Variants in DMXL1 observed in about 807,000 individuals in gnomAD.
DMXL1 encodes Dmx like 1.
A neutral mutation model predicts 319.2 loss-of-function variants in DMXL1; 99 were observed. That is an observed-to-expected ratio of 0.31 (90% confidence interval 0.26 to 0.37). DMXL1 has a LOEUF of 0.37. DMXL1 is among the 10% of genes least tolerant of loss of function. The pLI, the probability that DMXL1 is intolerant of heterozygous loss-of-function variation, is 1.00. For missense variants in DMXL1, 3,745 were observed against 3,595.6 expected, an observed-to-expected ratio of 1.04 and a Z score of -1.06; for synonymous variants, 1,385 against 1,235.2, an observed-to-expected ratio of 1.12 and a Z score of -2.54.
rs914338427 is a variant in DMXL1 at position 119,152,553 on chromosome 5, C to T, written c.4702+517C>T. Among the ~76,000 whole-genome samples the T allele has an allele frequency of 2.0e-5, 3 of 152,128 alleles. No homozygotes were observed. In the South Asian group the frequency reaches 6.2e-4, roughly 32 times the overall value. ...TATTTCATGTATTCTATATTTAGTG[C>T]TGTATTTCAGATACTGTTAGTTCTC... On this transcript the variant is annotated intron_variant, in intron 19 of 43. Transcript: ENST00000539542.
chr5:119,193,113 A>G lies in DMXL1; in HGVS notation c.7315-715A>G, dbSNP rs537071187. On this transcript the variant is annotated intron_variant, in intron 29 of 43. Transcript: ENST00000539542. ...ACCCTTGCCGTTTAGCTTTTCTCTC[A>G]TAAGAGAGTGATCGTAGTGATATAC... Among the ~76,000 whole-genome samples the G allele has an allele frequency of 3.3e-5, 5 of 152,228 alleles. No individual in the cohort carries two copies. In the South Asian group the frequency reaches 1.0e-3, roughly 32 times the overall value.
intron 34 of DMXL1, among the ~76,000 whole-genome samples, chr5:119,209,646 C>T (rs1782392010): frequency 6.6e-6 from 1 of 152,150 alleles, no homozygotes; most frequent in Non-Finnish European, 1.5e-5. Flanking sequence ...CCATGCCCAG[C>T]CTTGCATCAC....
chr5:119,078,811 A>G (rs550867909), intron 1 of DMXL1, among the ~76,000 whole-genome samples: 1 of 152,220 alleles, frequency 6.6e-6, no homozygotes, highest in Non-Finnish European at 1.5e-5. Context: ...GAAGATAACT[A>G]TATGGAAATC....
At chr5:119,246,910 G>T in intron 43 of DMXL1, 85 bp from the exon 44 acceptor site, 1 of 1,002,010 alleles carries the variant, frequency 1.0e-6, no homozygotes. Flanking sequence ...TGGGATTACA[G>T]GCATGAGCCA....
chr5:119,139,805 A>T (rs1370565393), intron 13 of DMXL1, among the ~76,000 whole-genome samples: 1 of 152,152 alleles, frequency 6.6e-6, no homozygotes, highest in African/African-American at 2.4e-5. Context: ...CTCTCCACCC[A>T]AAACAACAGA....
At chr5:119,074,754 C>T (rs1049178922) in intron 1 of DMXL1, among the ~76,000 whole-genome samples, 2 of 152,200 alleles carry the variant, frequency 1.3e-5, no homozygotes, top group Non-Finnish European at 2.9e-5. Flanking sequence ...TATCATTAAC[C>T]AGTCTTGCCT....
intron 15 of DMXL1, among the ~76,000 whole-genome samples, chr5:119,145,510 G>C (rs7717384): frequency 6.6e-6 from 1 of 151,414 alleles, no homozygotes; most frequent in African/African-American, 2.4e-5. Flanking sequence ...GATATCAGGC[G>C]TAAGAGATAA....
chr5:119,187,783 C>T (rs1778003961), intron 28 of DMXL1, among the ~76,000 whole-genome samples: 1 of 152,144 alleles, frequency 6.6e-6, no homozygotes, highest in Admixed American at 6.5e-5. Context: ...CTGTCTCAGC[C>T]TCCCGAGTAG....
intron 10 of DMXL1, among the ~76,000 whole-genome samples, chr5:119,131,131 C>T (rs1347296888): frequency 6.7e-6 from 1 of 148,514 alleles, no homozygotes; most frequent in East Asian, 2.1e-4. Context: ...CCTTTTAATA[C>T]CCTTTATCTA....
chr5:119,122,962 G>A (rs1762540003), intron 9 of DMXL1, among the ~76,000 whole-genome samples: 1 of 152,202 alleles, frequency 6.6e-6, no homozygotes, highest in Non-Finnish European at 1.5e-5. Context: ...CAGCTGGGAG[G>A]TGGAGGTTGT....
At chr5:119,082,018 T>TAC (rs1401465096) in intron 1 of DMXL1, among the ~76,000 whole-genome samples, 1,117 of 71,310 alleles carry the variant, frequency 0.016, 10 homozygotes, top group Middle Eastern at 0.03. Context: ...TATATATATA[T>TAC]ATACACACAC....
intron 1 of DMXL1, among the ~76,000 whole-genome samples, chr5:119,078,006 A>AT (rs1751379179): frequency 6.6e-6 from 1 of 151,764 alleles, no homozygotes; most frequent in Non-Finnish European, 1.5e-5. Context: ...AAGTGCTGGG[A>AT]TTACAGGTGT....
At chr5:119,219,389 T>A (rs1319860706) in intron 35 of DMXL1, among the ~76,000 whole-genome samples, 3 of 152,174 alleles carry the variant, frequency 2.0e-5, no homozygotes, top group East Asian at 3.8e-4. Context: ...GGGATACCCA[T>A]GGAGAATAAC....
rs1229704933 is a variant in DMXL1 at position 119,220,476 on chromosome 5, A to G, written c.8018A>G (p.Asn2673Ser). Residue 2673 changes from asparagine to serine, a missense_variant, in exon 36 of 44, where the codon AAT (asparagine) becomes AGT (serine). Transcript: ENST00000539542. ...ACCATTTGACTTATTTTTCAGGCAA[A>G]TAGAAACTGCATAGCAATCGCTTCC... is the stretch of plus-strand genomic sequence containing the variant. The part of the protein sequence containing the change: ...IITAFAVNKA[N>S]RNCIAIASSH... 1 of 1,612,970 alleles carries G rather than the reference A, an allele frequency of 6.2e-7. No individual in the cohort carries two copies. The highest frequency in any genetic ancestry group is 8.5e-7 in the Non-Finnish European group (1 of 1,179,682).
intron 37 of DMXL1, among the ~76,000 whole-genome samples, chr5:119,223,844 G>C (rs73790973): frequency 6.6e-6 from 1 of 152,036 alleles, no homozygotes; most frequent in African/African-American, 2.4e-5. Flanking sequence ...AGAAGAACAT[G>C]GAATTTAAAT....
chr5:119,196,590 T>G (rs568736698), intron 31 of DMXL1, 134 bp downstream of exon 31: 15 of 651,102 alleles, frequency 2.3e-5, no homozygotes, highest in Non-Finnish European at 3.7e-5. Flanking sequence ...TAGATTTCTT[T>G]TAACTAAACC....
chr5:119,201,933 A>G (rs191820309), intron 32 of DMXL1, among the ~76,000 whole-genome samples: 1 of 151,914 alleles, frequency 6.6e-6, no homozygotes, highest in East Asian at 1.9e-4. Flanking sequence ...GTCATTTCTA[A>G]TTGTGTTTAT....
At chr5:119,167,895 A>G in intron 23 of DMXL1, 31 bp downstream of exon 23, 1 of 1,595,158 alleles carries the variant, frequency 6.3e-7, no homozygotes, top group Non-Finnish European at 8.5e-7. Context: ...GTTAATGATT[A>G]AGAATATTAT....
At chr5:119,072,286 C>T (rs1749778460) in intron 1 of DMXL1, among the ~76,000 whole-genome samples, 1 of 152,102 alleles carries the variant, frequency 6.6e-6, no homozygotes, top group Admixed American at 6.6e-5. Flanking sequence ...TCATTGGTCA[C>T]ATATTGACAA....
Sources: gnomAD v4.1 joint callset for allele counts (sites outside exome capture counted in the v4.1 genomes callset) on GRCh38, gnomAD v4.1.1 for gene constraint, MANE v1.5 for transcripts, NCBI Gene and HGNC (gene_info 2026-07-23, HGNC 2026-07-21) for gene names.